PTPRD: variants seen among roughly 807,000 people sequenced by gnomAD.
PTPRD encodes the protein protein tyrosine phosphatase receptor type D, also known as receptor-type tyrosine-protein phosphatase delta.
A neutral mutation model predicts 214.5 loss-of-function variants in PTPRD; 34 were observed. The ratio of observed to expected loss-of-function variants is 0.16; its 90% CI spans 0.12 to 0.21. PTPRD has a LOEUF of 0.21. Among genes scored for constraint, PTPRD ranks in the 10% least tolerant of loss-of-function variants. The pLI, the probability that PTPRD is intolerant of heterozygous loss-of-function variation, is 1.00. For missense variants in PTPRD, 2,545 were observed against 2,398.7 expected (o/e 1.06, Z -1.27); for synonymous variants, 1,128 against 845.7 (o/e 1.33, Z -5.79).
chr9:9,262,576 T>C (rs2099980612), intron 9 of PTPRD, among the ~76,000 whole-genome samples: 1 of 151,380 alleles, frequency 6.6e-6, no homozygotes, highest in Non-Finnish European at 1.5e-5. Flanking sequence ...GGCTACAAAA[T>C]TGACCTCAAT....
intron 35 of PTPRD, among the ~76,000 whole-genome samples, chr9:8,417,401 G>A (rs1006028967): frequency 6.6e-6 from 1 of 152,134 alleles, no homozygotes; most frequent in African/African-American, 2.4e-5. Context: ...CCATAATGCA[G>A]CAAAGGGTAG....
chr9:8,851,917 G>A (rs1288296667), intron 11 of PTPRD, among the ~76,000 whole-genome samples: 1 of 152,046 alleles, frequency 6.6e-6, no homozygotes, highest in African/African-American at 2.4e-5. Context: ...TCGAGATTTT[G>A]CAATTCTTTA....
intron 7 of PTPRD, among the ~76,000 whole-genome samples, chr9:9,661,993 A>C (rs1198281795): frequency 6.6e-6 from 1 of 151,806 alleles, no homozygotes; most frequent in Non-Finnish European, 1.5e-5. Flanking sequence ...ATATAGGTAC[A>C]TATGCACCAA....
chr9:8,654,203 G>A (rs1263465445), intron 12 of PTPRD, among the ~76,000 whole-genome samples: 1 of 152,102 alleles, frequency 6.6e-6, no homozygotes, highest in East Asian at 1.9e-4. Context: ...AGAAACCACA[G>A]GATGGTTGGT....
At chr9:8,752,859 G>C (rs551121057) in intron 11 of PTPRD, among the ~76,000 whole-genome samples, 1 of 152,206 alleles carries the variant, frequency 6.6e-6, no homozygotes, top group Non-Finnish European at 1.5e-5. Flanking sequence ...AGAGAATTGA[G>C]ATAATTAAGT....
intron 9 of PTPRD, among the ~76,000 whole-genome samples, chr9:9,320,648 T>A (rs1966023021): frequency 6.6e-6 from 1 of 152,140 alleles, no homozygotes; most frequent in South Asian, 2.1e-4. Flanking sequence ...TAGACCTTTC[T>A]AGTGACCAAT....
intron 11 of PTPRD, among the ~76,000 whole-genome samples, chr9:8,850,825 T>C (rs964839779): frequency 6.6e-6 from 1 of 152,240 alleles, no homozygotes; most frequent in African/African-American, 2.4e-5. Context: ...GGCCAGGATC[T>C]ACTTGTGTAG....
chr9:8,875,905 C>T (rs1245488305), intron 11 of PTPRD, among the ~76,000 whole-genome samples: 1 of 152,080 alleles, frequency 6.6e-6, no homozygotes, highest in Admixed American at 6.6e-5. Context: ...TGTTTTGTGA[C>T]ATGGAAAGAT....
intron 3 of PTPRD, among the ~76,000 whole-genome samples, chr9:10,308,607 G>A (rs758858486): frequency 1.1e-4 from 17 of 151,998 alleles, no homozygotes; most frequent in Non-Finnish European, 2.1e-4. Flanking sequence ...AATACCATTA[G>A]TATTTTGATA....
At chr9:9,794,983 C>A (rs1267262217) in intron 5 of PTPRD, among the ~76,000 whole-genome samples, 1 of 152,220 alleles carries the variant, frequency 6.6e-6, no homozygotes, top group Non-Finnish European at 1.5e-5. Context: ...GTGGAAAGAG[C>A]AGAGGTAGCT....
intron 5 of PTPRD, among the ~76,000 whole-genome samples, chr9:9,851,795 C>A (rs981170762): frequency 1.5e-4 from 23 of 152,264 alleles, no homozygotes; most frequent in African/African-American, 4.8e-4. Flanking sequence ...AAAACAACAA[C>A]AACTAAGTAT....
At chr9:8,812,410 T>C (rs538352616) in intron 11 of PTPRD, among the ~76,000 whole-genome samples, 2 of 152,322 alleles carry the variant, frequency 1.3e-5, no homozygotes, top group South Asian at 2.1e-4. Flanking sequence ...AAAGTTTCCA[T>C]GTATCTGCTA....
intron 14 of PTPRD, among the ~76,000 whole-genome samples, chr9:8,530,391 C>G (rs1389655204): frequency 6.6e-6 from 1 of 152,032 alleles, no homozygotes; most frequent in African/African-American, 2.4e-5. Flanking sequence ...CTGGGTACTC[C>G]GTGCTTCTAG....
intron 4 of PTPRD, among the ~76,000 whole-genome samples, chr9:10,017,833 C>T (rs980136854): frequency 1.3e-5 from 2 of 151,522 alleles, no homozygotes; most frequent in Non-Finnish European, 2.9e-5. Flanking sequence ...TGAAACTTTC[C>T]CCAATTGAAT....
intron 10 of PTPRD, among the ~76,000 whole-genome samples, chr9:9,133,107 G>T (rs1057244662): frequency 6.6e-6 from 1 of 151,988 alleles, no homozygotes; most frequent in Non-Finnish European, 1.5e-5. Flanking sequence ...AGATGTAAAG[G>T]AATTCCTTTT....
At chr9:9,608,576 G>A (rs1311040161) in intron 7 of PTPRD, among the ~76,000 whole-genome samples, 1 of 152,192 alleles carries the variant, frequency 6.6e-6, no homozygotes, top group Non-Finnish European at 1.5e-5. Context: ...TTAGTGAATA[G>A]AAGGTAGACA....
At chr9:9,427,592 C>T (rs112413015) in intron 8 of PTPRD, among the ~76,000 whole-genome samples, 9,246 of 152,088 alleles carry the variant, frequency 0.061, 318 homozygotes, top group Middle Eastern at 0.17. Flanking sequence ...AGAAGAGCAA[C>T]TCCAAGACAC....
chr9:9,386,011 C>A (rs1366750199), intron 9 of PTPRD, among the ~76,000 whole-genome samples: 3 of 151,862 alleles, frequency 2.0e-5, no homozygotes, highest in Non-Finnish European at 4.4e-5. Context: ...TTTCAGAAGC[C>A]CAGTATGGCC....
intron 10 of PTPRD, among the ~76,000 whole-genome samples, chr9:9,041,910 T>C (rs191255492): frequency 6.6e-6 from 1 of 152,194 alleles, no homozygotes; most frequent in Non-Finnish European, 1.5e-5. Context: ...GAACAAGAAG[T>C]CTCTAAAACA....
Sources: gnomAD v4.1 joint callset for allele counts (sites outside exome capture counted in the v4.1 genomes callset) on GRCh38, gnomAD v4.1.1 for gene constraint, MANE v1.5 for transcripts, NCBI Gene and HGNC (gene_info 2026-07-23, HGNC 2026-07-21) for gene names.